Variants in SCUBE1 observed in about 807,000 individuals in gnomAD.
The protein encoded by SCUBE1 is signal peptide, CUB domain and EGF like domain containing 1.
In SCUBE1, 59 loss-of-function variants were observed where a neutral mutation model predicts 124.4. That is an observed-to-expected ratio of 0.47 (90% confidence interval 0.38 to 0.59). SCUBE1 has a LOEUF of 0.59. Among genes scored for constraint, SCUBE1 ranks in the 20% least tolerant of loss-of-function variants. The pLI is 0.00. For synonymous variants in SCUBE1, 545 were observed against 550.9 expected (o/e 0.99, Z 0.15); for missense variants, 1,150 against 1,371.2 (o/e 0.84, Z 2.55).
chr22:43,208,698 C>T (rs893780844), intron 19 of SCUBE1, among the ~76,000 whole-genome samples: 3 of 152,174 alleles, frequency 2.0e-5, no homozygotes, highest in Non-Finnish European at 4.4e-5. Flanking sequence ...CCCTTCTCCC[C>T]GAGAGCAAAT....
intron 4 of SCUBE1, among the ~76,000 whole-genome samples, chr22:43,263,927 C>G (rs373830764): frequency 6.6e-6 from 1 of 152,226 alleles, no homozygotes; most frequent in Non-Finnish European, 1.5e-5. Context: ...CAAGTTCACA[C>G]GGAAAGACCC....
At chr22:43,315,388 C>T (rs1029083052) in intron 3 of SCUBE1, among the ~76,000 whole-genome samples, 11 of 152,138 alleles carry the variant, frequency 7.2e-5, no homozygotes, top group African/African-American at 2.4e-4. Context: ...AACTCCAAGC[C>T]CAGCTGACTC....
rs1922011776 is a variant in SCUBE1, at chr22:43,219,803, T to C, written c.1687+647A>G. Reference sequence around the variant, plus strand: ...CTAAGACATTTCCTAAGCCCTCCCGTGGGGGGCAGACCTCAGTTCTATGCA... The same window carrying C: ...CTAAGACATTTCCTAAGCCCTCCCGCGGGGGGCAGACCTCAGTTCTATGCA... On this transcript the variant is annotated intron_variant, in intron 14 of 21. Transcript: ENST00000360835. Among the ~76,000 whole-genome samples, 4 of 152,118 alleles carry C rather than the reference T, an allele frequency of 2.6e-5. No individual in the cohort carries two copies. The South Asian group carries it at 8.3e-4, about 32-fold the overall frequency.
Position 43,235,064 on chromosome 22 carries a change from T to C in SCUBE1, c.845-3189A>G, listed in dbSNP as rs527338028. On this transcript the variant is annotated intron_variant, in intron 7 of 21. Transcript: ENST00000360835. ...ATGCCTTTGGGGGCATGAGAGGGCC[T>C]TGGGACACAGACTTGGGGGTGGCTG... Among the ~76,000 whole-genome samples the C allele has an allele frequency of 4.1e-3, 629 of 152,302 alleles. 4 individuals carry two copies. The highest frequency in any genetic ancestry group is 0.014 in the African/African-American group (585 of 41,556).
At chr22:43,215,662 C>G (rs779398542) in intron 15 of SCUBE1, among the ~76,000 whole-genome samples, 1 of 152,148 alleles carries the variant, frequency 6.6e-6, no homozygotes, top group Non-Finnish European at 1.5e-5. Flanking sequence ...CAGGAAAAAC[C>G]AGAGGGAGCT....
chr22:43,306,661 C>T (rs1325072021), intron 3 of SCUBE1, among the ~76,000 whole-genome samples: 1 of 152,138 alleles, frequency 6.6e-6, no homozygotes, highest in Non-Finnish European at 1.5e-5. Context: ...CTGAGGCCCA[C>T]CATGTGCCAC....
chr22:43,255,144 C>T lies in SCUBE1; in HGVS notation c.727+3075G>A, dbSNP rs1489869220. On this transcript the variant is annotated intron_variant, in intron 6 of 21. Transcript: ENST00000360835. This position sits in a 1 kb window ranked among gnomAD's most constrained non-coding sequence, Gnocchi z 4.7. ...TGTTCACGCAAGTCGGGGAGCTTTA[C>T]GACACACGTCTCCTTACACGCACAG... 2.6e-5 allele frequency among the ~76,000 whole-genome samples: 4 copies of T among 152,248 alleles called. No homozygotes were observed. The highest frequency in any genetic ancestry group is 2.1e-4 in the South Asian group (1 of 4,836).
At chr22:43,304,594 G>A (rs749544489) in intron 3 of SCUBE1, among the ~76,000 whole-genome samples, 7 of 152,190 alleles carry the variant, frequency 4.6e-5, no homozygotes, top group Non-Finnish European at 1.0e-4. Flanking sequence ...GGTCGTGTGT[G>A]TGTGTGTCTG....
At chr22:43,329,851 G>A (rs762579605) in intron 2 of SCUBE1, among the ~76,000 whole-genome samples, 5 of 152,160 alleles carry the variant, frequency 3.3e-5, no homozygotes, top group South Asian at 2.1e-4. Context: ...ACAAGTCCAC[G>A]GTTTATTTTC....
At chr22:43,327,133 A>G (rs1926752664) in intron 2 of SCUBE1, among the ~76,000 whole-genome samples, 1 of 152,160 alleles carries the variant, frequency 6.6e-6, no homozygotes, top group South Asian at 2.1e-4. Flanking sequence ...ACCGACTCTC[A>G]TGACATGTCA....
intron 3 of SCUBE1, among the ~76,000 whole-genome samples, chr22:43,302,867 G>A (rs559142536): frequency 1.6e-4 from 24 of 152,356 alleles, no homozygotes; most frequent in African/African-American, 5.3e-4. Flanking sequence ...CCCACGGGAC[G>A]CTTAATGAAG....
At chr22:43,342,083 C>A (rs1190129258) in intron 1 of SCUBE1, among the ~76,000 whole-genome samples, 4 of 152,062 alleles carry the variant, frequency 2.6e-5, no homozygotes, top group Non-Finnish European at 5.9e-5. Context: ...CAGGAATAGA[C>A]CCTACGCCAC....
Position 43,201,996 on chromosome 22 carries a change from G to C in SCUBE1, c.*2001C>G, listed in dbSNP as rs972938966. The C allele has an allele frequency of 2.0e-5, 3 of 152,202 alleles. No individual in the cohort carries two copies. Among genetic ancestry groups the C allele is most frequent in the African/African-American group, 7.2e-5 (3 of 41,426 alleles). The allele number at this position is 152,202 out of a possible 1,614,324, so 9.4% of individuals were successfully genotyped here. A position where few individuals can be genotyped will look rare whatever the true frequency, so the allele number is the denominator to read the frequency against. ...GGACTGTGACCAGAGGAGCGGCAGTGGCCCCTGGCAGGGCTTGTTAGTTGA... is the reference window on the plus strand; with the variant it reads ...GGACTGTGACCAGAGGAGCGGCAGTCGCCCCTGGCAGGGCTTGTTAGTTGA... On this transcript the variant is annotated 3_prime_UTR_variant, in exon 22 of 22. Coordinates refer to ENST00000360835, the MANE Select transcript of SCUBE1 (RefSeq NM_173050.5).
At position 43,203,868 on chromosome 22, in the gene SCUBE1, G is replaced by T; in HGVS notation, c.*129C>A. On this transcript the variant is annotated 3_prime_UTR_variant, in exon 22 of 22. Coordinates refer to ENST00000360835, the MANE Select transcript of SCUBE1 (RefSeq NM_173050.5). ...GCCTGGGCTCGGTCTCCATGGGCTG[G>T]TCGGCTTCCCTGAAGGGCAGTGCCA... is the stretch of plus-strand genomic sequence containing the variant. The T allele has an allele frequency of 1.0e-6, 1 of 993,370 alleles. No individual in the cohort carries two copies. The highest frequency in any genetic ancestry group is 1.5e-6 in the Non-Finnish European group (1 of 671,748). The allele number at this position is 993,370 out of a possible 1,614,324, so 61.5% of individuals were successfully genotyped here. A position where few individuals can be genotyped will look rare whatever the true frequency, so the allele number is the denominator to read the frequency against.
At position 43,203,779 on chromosome 22, in the gene SCUBE1, C is replaced by T; in HGVS notation, c.*218G>A. ...CTCTTGGTGTCCTGGGGAAGGGAGG[C>T]AGAGGGAGGGAGGGAGGCTTCCTGA... On this transcript the variant is annotated 3_prime_UTR_variant, in exon 22 of 22. Transcript: ENST00000360835. 2 of 545,580 alleles carry T rather than the reference C, an allele frequency of 3.7e-6. No individual in the cohort carries two copies. The highest frequency in any genetic ancestry group is 4.4e-5 in the South Asian group (2 of 45,158). The allele number at this position is 545,580 out of a possible 1,614,324, so 33.8% of individuals were successfully genotyped here.
chr22:43,308,823 C>G (rs974034357), intron 3 of SCUBE1, among the ~76,000 whole-genome samples: 8 of 152,272 alleles, frequency 5.3e-5, no homozygotes, highest in African/African-American at 1.7e-4. Context: ...ACATCCATCT[C>G]CTCAACTGAT....
At chr22:43,313,378 A>G (rs1313316420) in intron 3 of SCUBE1, among the ~76,000 whole-genome samples, 1 of 152,250 alleles carries the variant, frequency 6.6e-6, no homozygotes, top group Non-Finnish European at 1.5e-5. Flanking sequence ...AAGTCAAGGT[A>G]AAGATCGGGG....
chr22:43,238,770 G>T, intron 7 of SCUBE1, 68 bp downstream of exon 7: 1 of 1,305,112 alleles, frequency 7.7e-7, no homozygotes, highest in Non-Finnish European at 1.1e-6. Context: ...GCCCGGCTAT[G>T]CAAGCACACG....
At position 43,201,873 on chromosome 22, in the gene SCUBE1, C is replaced by T. The variant is rs1029695690; in HGVS notation, c.*2124G>A. 6.6e-6 allele frequency: 1 copy of T among 152,252 alleles called. No homozygotes were observed. The highest frequency in any genetic ancestry group is 2.4e-5 in the African/African-American group (1 of 41,468). 9.4% of individuals were successfully genotyped at this position (152,252 alleles called of 1,614,324 possible). ...TCCTCAGGAGCTGTTGCTGCAGGCT[C>T]ACTCGGCAGGATGCTCGCCTCTCAT... On this transcript the variant is annotated 3_prime_UTR_variant, in exon 22 of 22. Coordinates refer to ENST00000360835, the MANE Select transcript of SCUBE1 (RefSeq NM_173050.5).
Sources: gnomAD v4.1 joint callset for allele counts (sites outside exome capture counted in the v4.1 genomes callset) on GRCh38, gnomAD v4.1.1 for gene constraint, Gnocchi (gnomAD v3.1) non-coding constraint, MANE v1.5 for transcripts, NCBI Gene and HGNC (gene_info 2026-07-23, HGNC 2026-07-21) for gene names.